The following CADPS2 variants were observed in gnomAD, a reference collection of about 807,000 sequenced individuals.
CADPS2 encodes the protein calcium dependent secretion activator 2, also known as calcium-dependent secretion activator 2.
In CADPS2, 93 loss-of-function variants were observed where a neutral mutation model predicts 172.5. The ratio of observed to expected loss-of-function variants is 0.54; its 90% CI spans 0.46 to 0.64. The LOEUF (loss-of-function observed/expected upper bound fraction) is 0.64, where lower values mean the gene tolerates loss of function less well. Ranked by LOEUF, CADPS2 falls within the 30% of genes least tolerant of loss-of-function variation. CADPS2 has a pLI of 0.00. For missense variants in CADPS2, 1,420 were observed against 1,565.9 expected, an observed-to-expected ratio of 0.91 and a Z score of 1.57; for synonymous variants, 546 against 555.2, an observed-to-expected ratio of 0.98 and a Z score of 0.23.
At chr7:122,577,163 C>T (rs2068160077) in intron 7 of CADPS2, among the ~76,000 whole-genome samples, 2 of 152,082 alleles carry the variant, frequency 1.3e-5, no homozygotes, top group Non-Finnish European at 2.9e-5. Flanking sequence ...TGTAAGTTTC[C>T]TGAGGCTTCC....
intron 25 of CADPS2, 45 bp downstream of exon 25, chr7:122,379,323 C>G: frequency 8.0e-7 from 1 of 1,243,976 alleles, no homozygotes; most frequent in Non-Finnish European, 1.1e-6. Flanking sequence ...TCTCCATTGA[C>G]AATTTTTCAC....
chr7:122,677,582 CT>C (rs1245249601), intron 2 of CADPS2, among the ~76,000 whole-genome samples: 1 of 152,078 alleles, frequency 6.6e-6, no homozygotes, highest in African/African-American at 2.4e-5. Context: ...ATTTTAGGGA[CT>C]TCATGTATAT....
At chr7:122,762,185 A>C (rs1246924362) in intron 1 of CADPS2, among the ~76,000 whole-genome samples, 1 of 151,788 alleles carries the variant, frequency 6.6e-6, no homozygotes, top group Admixed American at 6.6e-5. Context: ...AGTTCAAGAA[A>C]TCCCCCAAAG....
chr7:122,416,212 A>AC (rs1484467108), intron 17 of CADPS2, 48 bp from the exon 18 acceptor site: 3 of 1,127,160 alleles, frequency 2.7e-6, no homozygotes, highest in Non-Finnish European at 3.8e-6. Flanking sequence ...ATAAAAAGCC[A>AC]AACATATTTG....
At chr7:122,481,935 G>C (rs1473677680) in intron 11 of CADPS2, among the ~76,000 whole-genome samples, 1 of 152,100 alleles carries the variant, frequency 6.6e-6, no homozygotes, top group Non-Finnish European at 1.5e-5. Context: ...GGGAGGCTGA[G>C]GCACGAGAAT....
chr7:122,828,517 T>C (rs557847577), intron 1 of CADPS2, among the ~76,000 whole-genome samples: 61 of 152,296 alleles, frequency 4.0e-4, no homozygotes, highest in Admixed American at 2.1e-3. Context: ...TAAAATATCA[T>C]TGTCTTGAGT....
At position 122,818,732 on chromosome 7, in the gene CADPS2, T is replaced by C. The variant is rs1166652431; in HGVS notation, c.339+67267A>G. ...GTTCCCTGACTAGCCCTCCCCATCCTGCCCAGCAATTTACTCTTAAAAAGG... is the reference window on the plus strand; with the variant it reads ...GTTCCCTGACTAGCCCTCCCCATCCCGCCCAGCAATTTACTCTTAAAAAGG... On this transcript the variant is annotated intron_variant, in intron 1 of 29. Coordinates refer to ENST00000449022, the MANE Select transcript of CADPS2 (RefSeq NM_017954.11). Among the ~76,000 whole-genome samples, 5 of 152,148 alleles carry C rather than the reference T, an allele frequency of 3.3e-5. No individual in the cohort carries two copies. In the East Asian group the frequency reaches 7.7e-4, roughly 23 times the overall value.
At chr7:122,519,169 T>C (rs2060597541) in intron 8 of CADPS2, among the ~76,000 whole-genome samples, 2 of 152,220 alleles carry the variant, frequency 1.3e-5, no homozygotes, top group Non-Finnish European at 2.9e-5. Context: ...GGTATCCCAT[T>C]GTACATGACA....
intron 1 of CADPS2, among the ~76,000 whole-genome samples, chr7:122,836,346 C>G (rs903203754): frequency 6.6e-6 from 1 of 152,006 alleles, no homozygotes; most frequent in African/African-American, 2.4e-5. Flanking sequence ...TAAAGACCAC[C>G]GAGGCTGGGA....
rs1242558190 is a variant in CADPS2 at position 122,641,172 on chromosome 7, A to AACATTTTACAGGTCTT, written c.787-11860_787-11845dup. On this transcript the variant is annotated intron_variant, in intron 3 of 29. Coordinates refer to ENST00000449022, the MANE Select transcript of CADPS2 (RefSeq NM_017954.11). The stretch of plus-strand genomic sequence containing the variant: ...TCACAGATGTCCTTTCCTGGCAGAT[A>AACATTTTACAGGTCTT]ACATTTTACAGGTCTTTTTAAAAGG... Among the ~76,000 whole-genome samples the AACATTTTACAGGTCTT allele has an allele frequency of 6.6e-5, 10 of 152,172 alleles. No homozygotes were observed. In the South Asian group the frequency reaches 8.3e-4, roughly 13 times the overall value.
intron 1 of CADPS2, among the ~76,000 whole-genome samples, chr7:122,869,754 C>T (rs1040497896): frequency 2.0e-5 from 3 of 151,956 alleles, no homozygotes; most frequent in Admixed American, 2.0e-4. Context: ...CTATTAAAAG[C>T]TAGAGCTTTA....
At chr7:122,423,625 A>G (rs535418665) in intron 17 of CADPS2, among the ~76,000 whole-genome samples, 21 of 152,358 alleles carry the variant, frequency 1.4e-4, no homozygotes, top group African/African-American at 4.6e-4. Context: ...TGAAACCCAA[A>G]TGATATTATG....
In CADPS2 at chr7:122,407,673, T is replaced by C; in HGVS notation, c.2613A>G (p.Leu871=). The change falls in exon 20 of 30, where the codon TTA becomes TTG. Residue 871 remains leucine, a synonymous_variant. Coordinates refer to ENST00000449022, the MANE Select transcript of CADPS2 (RefSeq NM_017954.11). ...GREAFAWWPD[L]LAEHAEKFWA... is the part of the protein sequence containing the mutation. Reference sequence around the variant, plus strand: ...AAAATTTCTCTGCATGTTCAGCCAATAAATCAGGCCACCAGGCAAATGCCT... The same window carrying C: ...AAAATTTCTCTGCATGTTCAGCCAACAAATCAGGCCACCAGGCAAATGCCT... 1 of 1,610,814 alleles carries C rather than the reference T, an allele frequency of 6.2e-7. No individual in the cohort carries two copies. Among genetic ancestry groups the C allele is most frequent in the Non-Finnish European group, 8.5e-7 (1 of 1,178,448 alleles).
At chr7:122,809,020 G>GT (rs1424340768) in intron 1 of CADPS2, among the ~76,000 whole-genome samples, 6 of 152,122 alleles carry the variant, frequency 3.9e-5, no homozygotes, top group Non-Finnish European at 1.5e-5. Context: ...GGCTCCTGGA[G>GT]TACTTGGCAA....
chr7:122,541,587 A>G (rs1469089739), intron 8 of CADPS2, among the ~76,000 whole-genome samples: 1 of 144,474 alleles, frequency 6.9e-6, no homozygotes, highest in East Asian at 2.0e-4. Flanking sequence ...ATATATTTAT[A>G]TATTCATATA....
At chr7:122,816,289 A>C (rs1406536825) in intron 1 of CADPS2, among the ~76,000 whole-genome samples, 2 of 150,904 alleles carry the variant, frequency 1.3e-5, no homozygotes, top group African/African-American at 4.9e-5. Flanking sequence ...GAGAACATGC[A>C]AAATTTGTCT....
intron 1 of CADPS2, chr7:122,849,966 C>T (rs1813072622): frequency 1.7e-6 from 1 of 579,082 alleles, no homozygotes; most frequent in East Asian, 4.0e-5. Flanking sequence ...CCAGGCTTTC[C>T]TCAAGCTATG....
intron 9 of CADPS2, among the ~76,000 whole-genome samples, chr7:122,502,908 T>C (rs1035698946): frequency 2.6e-5 from 4 of 152,214 alleles, no homozygotes; most frequent in African/African-American, 4.8e-5. Context: ...TCCAATTTTA[T>C]AGATTTTTTT....
intron 4 of CADPS2, among the ~76,000 whole-genome samples, chr7:122,628,822 C>G (rs960731485): frequency 6.7e-6 from 1 of 149,246 alleles, no homozygotes; most frequent in Non-Finnish European, 1.5e-5. Flanking sequence ...TGCATTTAGT[C>G]ATTCAATTAA....
Sources: allele counts gnomAD v4.1 joint callset (sites outside exome capture counted in the v4.1 genomes callset), GRCh38; gene constraint gnomAD v4.1.1; transcripts MANE v1.5; gene names NCBI Gene and HGNC (gene_info 2026-07-23, HGNC 2026-07-21).